ZNF571: variants seen among roughly 807,000 people sequenced by gnomAD.
The protein encoded by ZNF571 is zinc finger protein 571.
Under a neutral mutation model 7.7 loss-of-function variants are expected in ZNF571, and 4 were observed. The observed-to-expected ratio is 0.52, with a 90% CI of 0.25 to 1.18. The LOEUF (loss-of-function observed/expected upper bound fraction) is 1.18. ZNF571 is among the 50% of genes most tolerant of loss of function. The pLI, the probability that ZNF571 is intolerant of heterozygous loss-of-function variation, is 0.14. For synonymous variants in ZNF571, 251 were observed against 232.4 expected (o/e 1.08, Z -0.73); for missense variants, 704 against 726.9 (o/e 0.97, Z 0.36).
In ZNF571 at chr19:37,584,050, T is replaced by C; in HGVS notation, c.57A>G (p.Glu19=). The change falls in exon 3 of 4, where the codon GAA becomes GAG. Residue 19 remains glutamate, a synonymous_variant. Transcript: ENST00000451802. ...TCTGAGCAGGGTCCAGGCATTCCCA[T>C]TCCTCCTGAGAGAAGTCAATGGCCA... ...RDVAIDFSQE[E]WECLDPAQRD... is the part of the protein sequence containing the mutation. 1 of 1,614,124 alleles carries C rather than the reference T, an allele frequency of 6.2e-7. No individual in the cohort carries two copies.
rs2042817473 is a variant in ZNF571, at chr19:37,565,385, G to C, written c.1043C>G (p.Ser348Cys). Residue 348 changes from serine (S) to cysteine (C), a missense_variant, in exon 4 of 4, where the codon TCC (serine) becomes TGC (cysteine). Ser to Cys is a moderately radical substitution (Grantham distance 112, BLOSUM62 -1). Transcript: ENST00000451802. ...AATTCTCTGATGTTCATTCAGTTGG[G>C]AGGCACATAAAAAGGCTTTCCCACA... ...KECGKAFLCA[S>C]QLNEHQRIHT... 2 of 1,613,646 alleles carry C rather than the reference G, an allele frequency of 1.2e-6. No homozygotes were observed. The highest frequency in any genetic ancestry group is 1.1e-5 in the South Asian group (1 of 91,046).
intron 1 of ZNF571, among the ~76,000 whole-genome samples, chr19:37,593,463 G>A (rs1324392009): frequency 6.6e-6 from 1 of 152,164 alleles, no homozygotes; most frequent in Non-Finnish European, 1.5e-5. Context: ...CAGCACTCTG[G>A]GAGGCCCAGG....
At chr19:37,586,279 C>T (rs546992639) in intron 2 of ZNF571, 1 of 169,328 alleles carries the variant, frequency 5.9e-6, no homozygotes, top group South Asian at 2.0e-4. Context: ...AATGCTATCA[C>T]TTTCAAATGG....
chr19:37,586,702 T>C lies in ZNF571; in HGVS notation c.-26A>G. 1 of 1,614,104 alleles carries C rather than the reference T, an allele frequency of 6.2e-7. No homozygotes were observed. Among genetic ancestry groups the C allele is most frequent in the Non-Finnish European group, 8.5e-7 (1 of 1,179,984 alleles). On this transcript the variant is annotated 5_prime_UTR_variant, in exon 2 of 4. Transcript: ENST00000451802. ...GGTTTTTTAGAACTGATCAATTTTC[T>C]GGGTTCTTCTCCTGGAGGTGTGCAA...
At chr19:37,575,138 C>T (rs936988881) in intron 3 of ZNF571, among the ~76,000 whole-genome samples, 16 of 152,182 alleles carry the variant, frequency 1.1e-4, no homozygotes, top group Admixed American at 1.0e-3. Context: ...TAAACTATAA[C>T]CTGACTCTGC....
chr19:37,575,710 C>G (rs1328466460), intron 3 of ZNF571: 1 of 152,168 alleles, frequency 6.6e-6, no homozygotes, highest in Non-Finnish European at 1.5e-5. Flanking sequence ...TCCATGATCA[C>G]ACATCACTGT....
intron 1 of ZNF571, among the ~76,000 whole-genome samples, chr19:37,589,200 C>CAAAAAA (rs35689698): frequency 1.8e-5 from 2 of 108,900 alleles, no homozygotes; most frequent in Admixed American, 1.0e-4. Context: ...AACTCCGTCT[C>CAAAAAA]AAAAAAAAAA....
chr19:37,580,235 G>C (rs2043404624), intron 3 of ZNF571, among the ~76,000 whole-genome samples: 1 of 152,202 alleles, frequency 6.6e-6, no homozygotes. Context: ...AGGCCTAACA[G>C]GAACTGTTCT....
chr19:37,565,975 C>G lies in ZNF571; in HGVS notation c.453G>C (p.Leu151=), dbSNP rs2042842877. The G allele has an allele frequency of 1.9e-6, 3 of 1,613,632 alleles. No individual in the cohort carries two copies. The Admixed American group carries it at 5.0e-5, about 27-fold the overall frequency. ...CKECRQGFSY[L]SCLIQHEENH... Reference sequence around the variant, plus strand: ...TTTCCTCATGTTGAATAAGGCATGACAGGTAGCTGAAACCTTGTCTGCATT... The same window carrying G: ...TTTCCTCATGTTGAATAAGGCATGAGAGGTAGCTGAAACCTTGTCTGCATT... The change falls in exon 4 of 4, where the codon CTG becomes CTC. Residue 151 remains leucine (L), a synonymous_variant. Coordinates refer to ENST00000451802, the MANE Select transcript of ZNF571 (RefSeq NM_016536.5).
intron 1 of ZNF571, chr19:37,594,381 C>A (rs1208327615): frequency 6.6e-6 from 1 of 152,350 alleles, no homozygotes; most frequent in South Asian, 2.1e-4. Context: ...CACACGCACA[C>A]GTCCAGGGCG....
In ZNF571 at chr19:37,565,157, C is replaced by T. The variant is rs2042805166; in HGVS notation, c.1271G>A (p.Cys424Tyr). ...TGEKPYKCKE[C>Y]GKAFICGKQL... ...TTTGCCACAAATAAAGGCCTTTCCA[C>T]ATTCCTTACATTTGTAGGGCTTCTC... The change falls in exon 4 of 4, where the codon TGT (cysteine) becomes TAT (tyrosine). Residue 424 changes from cysteine (C) to tyrosine (Y), a missense_variant. By Grantham distance (194) the Cys-to-Tyr change is radical (BLOSUM62 -2). Transcript: ENST00000451802. The T allele has an allele frequency of 6.2e-7, 1 of 1,613,462 alleles. No individual in the cohort carries two copies. The highest frequency in any genetic ancestry group is 8.5e-7 in the Non-Finnish European group (1 of 1,179,780).
At chr19:37,575,261 G>C (rs2043204126) in intron 3 of ZNF571, among the ~76,000 whole-genome samples, 1 of 152,118 alleles carries the variant, frequency 6.6e-6, no homozygotes, top group Admixed American at 6.5e-5. Context: ...GTACTATTAT[G>C]CTTGATTGTA....
intron 1 of ZNF571, among the ~76,000 whole-genome samples, chr19:37,592,042 G>A (rs746263313): frequency 1.3e-5 from 2 of 152,008 alleles, no homozygotes; most frequent in Non-Finnish European, 2.9e-5. Context: ...TGGATTACTC[G>A]AGGTCAGGAG....
intron 1 of ZNF571, chr19:37,594,478 G>A (rs1217667871): frequency 6.6e-6 from 1 of 152,270 alleles, no homozygotes; most frequent in Non-Finnish European, 1.5e-5. Flanking sequence ...AGGGGCTCCA[G>A]GGGCACACTC....
intron 1 of ZNF571, among the ~76,000 whole-genome samples, chr19:37,589,526 C>T (rs2043801913): frequency 6.6e-6 from 1 of 151,944 alleles, no homozygotes; most frequent in African/African-American, 2.4e-5. Context: ...GTAAAATGCT[C>T]ATCATTTAAA....
In ZNF571 at chr19:37,565,448, C is replaced by G; in HGVS notation, c.980G>C (p.Arg327Thr). Residue 327 changes from arginine (R) to threonine (T), a missense_variant, in exon 4 of 4, where the codon AGA (arginine) becomes ACA (threonine). By Grantham distance (71) the Arg-to-Thr change is moderately conservative. Transcript: ENST00000451802. ...GTAAGGCTTTTCACCAGTATGAACTCTCTGATGGTATGTAAGGTGTGAACC... is the reference window on the plus strand; with the variant it reads ...GTAAGGCTTTTCACCAGTATGAACTGTCTGATGGTATGTAAGGTGTGAACC... The part of the protein sequence containing the change: ...ILGSHLTYHQ[R>T]VHTGEKPYIC... 1 of 1,613,060 alleles carries G rather than the reference C, an allele frequency of 6.2e-7. No homozygotes were observed. The highest frequency in any genetic ancestry group is 8.5e-7 in the Non-Finnish European group (1 of 1,179,662).
Position 37,564,632 on chromosome 19 carries a change from G to A in ZNF571, c.1796C>T (p.Ser599Leu). 2 of 1,564,796 alleles carry A rather than the reference G, an allele frequency of 1.3e-6. No individual in the cohort carries two copies. Among genetic ancestry groups the A allele is most frequent in the South Asian group, 1.2e-5 (1 of 82,584 alleles). The part of the protein sequence containing the change: ...VQCGKDFRCP[S>L]QLTQHTRLHN ...AAGCCTTGTATGTTGAGTAAGTTGT[G>A]AAGGACATCTAAAGTCTTTACCACA... Residue 599 changes from serine (S) to leucine (L), a missense_variant, in exon 4 of 4, where the codon TCA becomes TTA. Ser to Leu is a moderately radical substitution (Grantham distance 145). Coordinates refer to ENST00000451802, the MANE Select transcript of ZNF571 (RefSeq NM_016536.5).
At position 37,566,088 on chromosome 19, in the gene ZNF571, A is replaced by G; in HGVS notation, c.340T>C (p.Cys114Arg). 6.2e-7 allele frequency: 1 copy of G among 1,614,060 alleles called. No homozygotes were observed. The highest frequency in any genetic ancestry group is 1.1e-5 in the South Asian group (1 of 91,082). The change falls in exon 4 of 4, where the codon TGT becomes CGT. Residue 114 changes from cysteine (C) to arginine (R), a missense_variant. Physicochemically the swap from Cys to Arg is radical, Grantham distance 180 (BLOSUM62 -3). Coordinates refer to ENST00000451802, the MANE Select transcript of ZNF571 (RefSeq NM_016536.5). ...TGACTTTCAGTGGCCTTTTCTTCAC[A>G]GGTAATTTTGACACACATGTAAAGC... Reference protein sequence around the residue: ...EGLYMCVKITCEEKATESHST... With the variant: ...EGLYMCVKITREEKATESHST...
At chr19:37,574,046 AAACATATACT>A (rs2043159285) in intron 3 of ZNF571, among the ~76,000 whole-genome samples, 1 of 152,130 alleles carries the variant, frequency 6.6e-6, no homozygotes, top group African/African-American at 2.4e-5. Context: ...TGTATTCCTG[AAACATATACT>A]TTTTCTATGC....
Sources: gnomAD v4.1 joint callset for allele counts (sites outside exome capture counted in the v4.1 genomes callset) on GRCh38, gnomAD v4.1.1 for gene constraint, MANE v1.5 for transcripts, NCBI Gene and HGNC (gene_info 2026-07-23, HGNC 2026-07-21) for gene names.